Variants in LRRTM4 observed in about 807,000 individuals in gnomAD.
LRRTM4 encodes the protein leucine-rich repeat transmembrane neuronal protein 4.
In LRRTM4, 25 loss-of-function variants were observed where a neutral mutation model predicts 47.6. That is an observed-to-expected ratio of 0.53 (90% confidence interval 0.38 to 0.73). The LOEUF (loss-of-function observed/expected upper bound fraction) is 0.73. LRRTM4 is among the 30% of genes least tolerant of loss of function. The pLI is 0.00. For missense variants in LRRTM4, 638 were observed against 713.4 expected (o/e 0.89, Z 1.20); for synonymous variants, 311 against 269.5 (o/e 1.15, Z -1.51).
intron 3 of LRRTM4, among the ~76,000 whole-genome samples, chr2:76,975,253 A>C (rs1317834839): frequency 6.6e-6 from 1 of 151,670 alleles, no homozygotes; most frequent in Non-Finnish European, 1.5e-5. Context: ...TTTGCCATGC[A>C]TGTGATGAGA....
intron 3 of LRRTM4, among the ~76,000 whole-genome samples, chr2:77,381,633 A>G (rs1244812957): frequency 6.6e-6 from 1 of 152,068 alleles, no homozygotes; most frequent in African/African-American, 2.4e-5. Flanking sequence ...AAGTATTAAT[A>G]CCTACTATAG....
chr2:77,380,963 C>T (rs545320752), intron 3 of LRRTM4, among the ~76,000 whole-genome samples: 46 of 151,888 alleles, frequency 3.0e-4, no homozygotes, highest in Admixed American at 5.9e-4. Context: ...AGATAATAAA[C>T]GAATAAATGA....
chr2:77,116,241 A>G (rs2103946134), intron 3 of LRRTM4, among the ~76,000 whole-genome samples: 1 of 152,210 alleles, frequency 6.6e-6, no homozygotes, highest in South Asian at 2.1e-4. Flanking sequence ...GTGTAATTAA[A>G]CGCAATAAAT....
intron 3 of LRRTM4, among the ~76,000 whole-genome samples, chr2:77,264,585 G>A (rs903666358): frequency 2.0e-5 from 3 of 152,040 alleles, no homozygotes; most frequent in Non-Finnish European, 4.4e-5. Flanking sequence ...CAGGCAATAT[G>A]TTAAATACCT....
chr2:77,151,661 AAGTC>A (rs1321592091), intron 3 of LRRTM4, among the ~76,000 whole-genome samples: 2 of 152,190 alleles, frequency 1.3e-5, no homozygotes, highest in African/African-American at 4.8e-5. Context: ...AAACTAAATC[AAGTC>A]AGTCAGTCAC....
chr2:76,963,220 A>G (rs1675918703), intron 3 of LRRTM4, among the ~76,000 whole-genome samples: 1 of 150,972 alleles, frequency 6.6e-6, no homozygotes, highest in African/African-American at 2.4e-5. Flanking sequence ...AAGTAAAAGT[A>G]AAATTAATAT....
intron 3 of LRRTM4, among the ~76,000 whole-genome samples, chr2:77,090,847 C>T (rs1032184485): frequency 4.6e-5 from 7 of 152,288 alleles, no homozygotes; most frequent in Admixed American, 1.3e-4. Context: ...TGAAGACTGA[C>T]GCTGCCCGAT....
intron 3 of LRRTM4, among the ~76,000 whole-genome samples, chr2:77,052,399 C>T (rs995635099): frequency 2.6e-5 from 4 of 151,754 alleles, no homozygotes; most frequent in African/African-American, 9.7e-5. Context: ...GATCTCCTGA[C>T]CTCAGGAGAT....
Position 77,379,032 on chromosome 2 carries a change from T to C in LRRTM4, c.1551+139286A>G, listed in dbSNP as rs372697724. 1.1e-3 allele frequency among the ~76,000 whole-genome samples: 160 copies of C among 152,306 alleles called. 1 individual carries two copies. In the South Asian group the frequency reaches 0.018, roughly 17 times the overall value. ...ATTTGTCCATAATTGCTTAGTGTAT[T>C]TTTCATTATTTTGCTTTTAATCTTT... On this transcript the variant is annotated intron_variant, in intron 3 of 3. Coordinates refer to ENST00000409884, the MANE Select transcript of LRRTM4 (RefSeq NM_001134745.3).
intron 3 of LRRTM4, among the ~76,000 whole-genome samples, chr2:77,488,168 C>A (rs1443308934): frequency 6.6e-6 from 1 of 152,162 alleles, no homozygotes; most frequent in African/African-American, 2.4e-5. Context: ...GGCTATGACA[C>A]CTTCTTTGGG....
intron 3 of LRRTM4, among the ~76,000 whole-genome samples, chr2:77,245,289 G>A (rs1190001396): frequency 1.3e-5 from 2 of 152,090 alleles, no homozygotes; most frequent in Non-Finnish European, 2.9e-5. Context: ...CCTCATGCCT[G>A]TAATCCTAGC....
chr2:76,911,945 G>T (rs538595451), intron 3 of LRRTM4, among the ~76,000 whole-genome samples: 12 of 140,616 alleles, frequency 8.5e-5, no homozygotes, highest in East Asian at 4.1e-4. Context: ...TGGGGGGGGG[G>T]GGGGGACAGA....
At chr2:77,124,444 G>A (rs1671604013) in intron 3 of LRRTM4, among the ~76,000 whole-genome samples, 1 of 152,038 alleles carries the variant, frequency 6.6e-6, no homozygotes, top group Admixed American at 6.6e-5. Context: ...AGACAAAATT[G>A]GTTGTAAATT....
At chr2:77,461,139 G>GT in intron 3 of LRRTM4, among the ~76,000 whole-genome samples, 1 of 13,698 alleles carries the variant, frequency 7.3e-5, no homozygotes, top group East Asian at 5.8e-3. Flanking sequence ...CATACACAGT[G>GT]AGAGAGAGAG....
chr2:76,808,256 G>T (rs1171374508), intron 3 of LRRTM4, among the ~76,000 whole-genome samples: 1 of 152,026 alleles, frequency 6.6e-6, no homozygotes, highest in Non-Finnish European at 1.5e-5. Flanking sequence ...CTGACTTCGT[G>T]ATCCGCCTGC....
At chr2:76,848,789 A>G (rs923291486) in intron 3 of LRRTM4, among the ~76,000 whole-genome samples, 1 of 152,184 alleles carries the variant, frequency 6.6e-6, no homozygotes, top group Non-Finnish European at 1.5e-5. Flanking sequence ...GCTTAATCCA[A>G]GTATAAAATT....
Position 77,438,534 on chromosome 2 carries a change from A to G in LRRTM4, c.1551+79784T>C, listed in dbSNP as rs774670367. Among the ~76,000 whole-genome samples, 145 of 150,232 alleles carry G rather than the reference A, an allele frequency of 9.7e-4. 2 individuals carry two copies. The highest frequency in any genetic ancestry group is 3.4e-3 in the Middle Eastern group (1 of 290). On this transcript the variant is annotated intron_variant, in intron 3 of 3. Transcript: ENST00000409884. ...CCATTCTCCTTCCTCAGCCTCCCGA[A>G]TAGCTGGGACTACAGGCGCCTGCCA... is the stretch of plus-strand genomic sequence containing the variant.
rs528220781 is a variant in LRRTM4, at chr2:77,155,452, G to A, written c.1551+362866C>T. Among the ~76,000 whole-genome samples, 202 of 151,826 alleles carry A rather than the reference G, an allele frequency of 1.3e-3. 4 individuals carry two copies. In the South Asian group the frequency reaches 0.018, roughly 14 times the overall value. On this transcript the variant is annotated intron_variant, in intron 3 of 3. Transcript: ENST00000409884. ...ATCATATGAGACATCACCAGGGATA[G>A]AATCAAACAAATGATAAAATACTTT... is the stretch of plus-strand genomic sequence containing the variant.
rs2104126049 is a variant in LRRTM4 at position 77,518,569 on chromosome 2, G to C, written c.1300C>G (p.Leu434Val). ...ACCAAGAGGATCATGGCCACTGAGA[G>C]AAAGAGAGCCACACTCCCGGCAATA... is the stretch of plus-strand genomic sequence containing the variant. ...KIIAGSVALF[L>V]SVAMILLVIY... Residue 434 changes from leucine to valine, a missense_variant, in exon 3 of 4, where the codon CTC becomes GTC. Leu to Val is a conservative substitution (Grantham distance 32, BLOSUM62 1). Coordinates refer to ENST00000409884, the MANE Select transcript of LRRTM4 (RefSeq NM_001134745.3). The C allele has an allele frequency of 3.7e-6, 6 of 1,613,464 alleles. No homozygotes were observed. The Middle Eastern group carries it at 6.6e-4, about 178-fold the overall frequency.
Sources: allele counts gnomAD v4.1 joint callset (sites outside exome capture counted in the v4.1 genomes callset), GRCh38; gene constraint gnomAD v4.1.1; transcripts MANE v1.5; gene names NCBI Gene and HGNC (gene_info 2026-07-23, HGNC 2026-07-21).